Variants in LHX4 observed in about 807,000 individuals in gnomAD.
LHX4 encodes LIM/homeobox protein Lhx4.
In LHX4, 16 loss-of-function variants were observed where a neutral mutation model predicts 39.2. The ratio of observed to expected loss-of-function variants is 0.41; its 90% CI spans 0.28 to 0.62. The LOEUF (loss-of-function observed/expected upper bound fraction) is 0.62. Among genes scored for constraint, LHX4 ranks in the 20% least tolerant of loss-of-function variants. LHX4 has a pLI of 0.33. For synonymous variants in LHX4, 206 were observed against 198.1 expected, an observed-to-expected ratio of 1.04 and a Z score of -0.33; for missense variants, 439 against 511.9, an observed-to-expected ratio of 0.86 and a Z score of 1.37.
At chr1:180,247,485 C>T (rs566064395) in intron 1 of LHX4, among the ~76,000 whole-genome samples, 7 of 152,302 alleles carry the variant, frequency 4.6e-5, no homozygotes, top group South Asian at 4.1e-4. Flanking sequence ...TCATCGCCTC[C>T]GCCGTGACGC....
At position 180,277,485 on chromosome 1, in the gene LHX4, G is replaced by A. The variant is rs771580944; in HGVS notation, c.*2906G>A. ...GAGTAGGAAGCTCTTGAATCCAGGA[G>A]CAAATTAGTTAAAACCCCAAGTTCC... On this transcript the variant is annotated 3_prime_UTR_variant, in exon 6 of 6. Coordinates refer to ENST00000263726, the MANE Select transcript of LHX4 (RefSeq NM_033343.4). 1.6e-4 allele frequency: 24 copies of A among 152,168 alleles called. No homozygotes were observed. Among genetic ancestry groups the A allele is most frequent in the Non-Finnish European group, 2.8e-4 (19 of 68,038 alleles). The allele number at this position is 152,168 out of a possible 1,614,324, so 9.4% of individuals were successfully genotyped here.
At chr1:180,256,678 C>T (rs1016630078) in intron 2 of LHX4, among the ~76,000 whole-genome samples, 3 of 152,170 alleles carry the variant, frequency 2.0e-5, no homozygotes, top group African/African-American at 7.2e-5. Flanking sequence ...CTGGGCCATC[C>T]GTGGGGCTGG....
rs1364289106 is a variant in LHX4, at chr1:180,271,540, A to G, written c.606+6A>G. 6.2e-7 allele frequency: 1 copy of G among 1,614,006 alleles called. No individual in the cohort carries two copies. The highest frequency in any genetic ancestry group is 1.1e-5 in the South Asian group (1 of 91,080). ...TGGACATGAGGGTCGTACAGGTGAG[A>G]TGCCAGCACTCCTGTGCCCTCCGGG... On this transcript the variant is annotated splice_donor_region_variant and intron_variant, in intron 4 of 5. Transcript: ENST00000263726.
chr1:180,229,409 T>C (rs1664105532), upstream of LHX4, among the ~76,000 whole-genome samples: 1 of 152,012 alleles, frequency 6.6e-6, no homozygotes, highest in African/African-American at 2.4e-5. Flanking sequence ...CAGGCCGCGG[T>C]CTGCGGGGAC....
At position 180,230,486 on chromosome 1, in the gene LHX4, C is replaced by T. The variant is rs768893925; in HGVS notation, c.-44C>T. 2 of 1,513,062 alleles carry T rather than the reference C, an allele frequency of 1.3e-6. No individual in the cohort carries two copies. Among genetic ancestry groups the T allele is most frequent in the East Asian group, 2.3e-5 (1 of 44,318 alleles). The allele number at this position is 1,513,062 out of a possible 1,614,324, so 93.7% of individuals were successfully genotyped here. On this transcript the variant is annotated 5_prime_UTR_variant, in exon 1 of 6. An upstream open reading frame in the 5' UTR gains an earlier in-frame stop. Transcript: ENST00000263726. The surrounding 1 kb of genome is among the most constrained non-coding windows in gnomAD (Gnocchi z 5.8). The stretch of plus-strand genomic sequence containing the variant: ...TCTGAATCGAGCTAGAGCGAGAGAG[C>T]GAGAGATCTCCGTAGACTGCGACTC...
At position 180,234,334 on chromosome 1, in the gene LHX4, A is replaced by G. The variant is rs1332148801; in HGVS notation, c.76+3729A>G. 6.6e-6 allele frequency among the ~76,000 whole-genome samples: 1 copy of G among 151,664 alleles called. No homozygotes were observed. The highest frequency in any genetic ancestry group is 6.6e-5 in the Admixed American group (1 of 15,226). The stretch of plus-strand genomic sequence containing the variant: ...TTCTCAGGCAGGAGACAATTTTTAC[A>G]GATGAGGTCAGCTGTCCCCGCCGGC... On this transcript the variant is annotated intron_variant, in intron 1 of 5. Coordinates refer to ENST00000263726, the MANE Select transcript of LHX4 (RefSeq NM_033343.4). This position sits in a 1 kb window ranked among gnomAD's most constrained non-coding sequence, Gnocchi z 4.8.
intron 1 of LHX4, among the ~76,000 whole-genome samples, chr1:180,242,004 A>C (rs1454444406): frequency 4.6e-5 from 7 of 151,516 alleles, no homozygotes; most frequent in African/African-American, 1.7e-4. Context: ...TTCTGTAGAG[A>C]CAGGGTCTCA....
intron 1 of LHX4, among the ~76,000 whole-genome samples, chr1:180,242,316 C>T (rs1664460308): frequency 6.6e-6 from 1 of 151,910 alleles, no homozygotes; most frequent in Non-Finnish European, 1.5e-5. Context: ...TGTGAATATG[C>T]ATGTACATTT....
rs1649171261 is a variant in LHX4, at chr1:180,278,420, A to G, written c.*3841A>G. 1 of 152,116 alleles carries G rather than the reference A, an allele frequency of 6.6e-6. No homozygotes were observed. Among genetic ancestry groups the G allele is most frequent in the Non-Finnish European group, 1.5e-5 (1 of 68,024 alleles). The allele number at this position is 152,116 out of a possible 1,614,324, so 9.4% of individuals were successfully genotyped here. Reference sequence around the variant, plus strand: ...TCTAAACAGTGAGTGACTGGAGCCAAAAAGAGAGAGCTCAGCAAAGCCATC... The same window carrying G: ...TCTAAACAGTGAGTGACTGGAGCCAGAAAGAGAGAGCTCAGCAAAGCCATC... On this transcript the variant is annotated 3_prime_UTR_variant, in exon 6 of 6. Transcript: ENST00000263726.
At chr1:180,244,614 C>T (rs551948598) in intron 1 of LHX4, among the ~76,000 whole-genome samples, 1 of 152,356 alleles carries the variant, frequency 6.6e-6, no homozygotes, top group South Asian at 2.1e-4. Context: ...TATCCTCACC[C>T]TCATCCCATG....
At chr1:180,236,951 A>G (rs1453516046) in intron 1 of LHX4, among the ~76,000 whole-genome samples, 1 of 152,052 alleles carries the variant, frequency 6.6e-6, no homozygotes, top group Non-Finnish European at 1.5e-5. Context: ...AGGCGATTTT[A>G]CTTTTGTAAC....
intron 1 of LHX4, among the ~76,000 whole-genome samples, chr1:180,236,658 T>A (rs1558208277): frequency 6.6e-6 from 1 of 152,218 alleles, no homozygotes; most frequent in African/African-American, 2.4e-5. Flanking sequence ...GTCCTCTTCC[T>A]ATTGAAGAGT....
rs1558207146 is a variant in LHX4, at chr1:180,234,191, ATATATATATATATATATATATATATATAT to A, written c.76+3587_76+3615del. 5.9e-5 allele frequency among the ~76,000 whole-genome samples: 5 copies of A among 85,100 alleles called. No homozygotes were observed. Among genetic ancestry groups the A allele is most frequent in the Non-Finnish European group, 7.6e-5 (3 of 39,404 alleles). 55.8% of individuals were successfully genotyped at this position (85,100 alleles called of 152,430 possible). ...AAATTATATATATATATATATATAT[ATATATATATATATATATATATATATATAT>A]AATAGATTGAGATTCTATCATATTC... is the stretch of plus-strand genomic sequence containing the variant. On this transcript the variant is annotated intron_variant, in intron 1 of 5. Transcript: ENST00000263726. The surrounding 1 kb of genome is among the most constrained non-coding windows in gnomAD (Gnocchi z 4.8).
rs1648343146 is a variant in LHX4, at chr1:180,266,921, G to A, written c.451+327G>A. Among the ~76,000 whole-genome samples the A allele has an allele frequency of 6.6e-6, 1 of 152,206 alleles. No homozygotes were observed. The highest frequency in any genetic ancestry group is 2.4e-5 in the African/African-American group (1 of 41,458). ...TCCTTCCCTGGGTGGAGGCTGGGGT[G>A]CTGAGGGGTGGCTGGGAGCTTGGTC... On this transcript the variant is annotated intron_variant, in intron 3 of 5. Coordinates refer to ENST00000263726, the MANE Select transcript of LHX4 (RefSeq NM_033343.4). This position sits in a 1 kb window ranked among gnomAD's most constrained non-coding sequence, Gnocchi z 5.7.
rs1440216467 is a variant in LHX4 at position 180,245,746 on chromosome 1, A to G, written c.77-2539A>G. Among the ~76,000 whole-genome samples, 3 of 152,302 alleles carry G rather than the reference A, an allele frequency of 2.0e-5. No homozygotes were observed. In the South Asian group the frequency reaches 6.2e-4, roughly 32 times the overall value. On this transcript the variant is annotated intron_variant, in intron 1 of 5. Transcript: ENST00000263726. ...CAATCCTACAGGCACTATTGTCATC[A>G]TCACCCCCTTTTACAGGTGAGGAAA...
chr1:180,242,545 G>A (rs1044565425), intron 1 of LHX4, among the ~76,000 whole-genome samples: 1 of 152,132 alleles, frequency 6.6e-6, no homozygotes, highest in African/African-American at 2.4e-5. Flanking sequence ...GTGAGTGCGT[G>A]TGAGGATGTC....
chr1:180,263,121 C>T (rs532826039), intron 2 of LHX4, among the ~76,000 whole-genome samples: 4 of 152,208 alleles, frequency 2.6e-5, no homozygotes, highest in African/African-American at 9.6e-5. Flanking sequence ...TGGGAGCCCT[C>T]TTCCTTGGCT....
At chr1:180,255,621 C>T (rs1182206584) in intron 2 of LHX4, among the ~76,000 whole-genome samples, 2 of 152,214 alleles carry the variant, frequency 1.3e-5, no homozygotes, top group African/African-American at 2.4e-5. Context: ...ACCAGGCCCA[C>T]AGTCATTTGT....
chr1:180,237,200 G>A (rs1190058429), intron 1 of LHX4, among the ~76,000 whole-genome samples: 1 of 133,526 alleles, frequency 7.5e-6, no homozygotes, highest in Non-Finnish European at 1.6e-5. Flanking sequence ...TCACGACACA[G>A]GGGTTTTACT....
Sources: gnomAD v4.1 joint callset for allele counts (sites outside exome capture counted in the v4.1 genomes callset) on GRCh38, gnomAD v4.1.1 for gene constraint, Gnocchi (gnomAD v3.1) non-coding constraint, MANE v1.5 for transcripts, NCBI Gene and HGNC (gene_info 2026-07-23, HGNC 2026-07-21) for gene names.